DNAH3: variants seen among roughly 807,000 people sequenced by gnomAD.
DNAH3 encodes the protein axonemal beta dynein heavy chain 3.
A neutral mutation model predicts 432.5 loss-of-function variants in DNAH3; 332 were observed. The observed-to-expected ratio is 0.77, with a 90% confidence interval of 0.70 to 0.84. The LOEUF (loss-of-function observed/expected upper bound fraction) is 0.84. DNAH3 is among the 40% of genes least tolerant of loss of function. The pLI, the probability that DNAH3 is intolerant of heterozygous loss-of-function variation, is 0.00. For synonymous variants in DNAH3, 1,956 were observed against 1,900.2 expected (o/e 1.03, Z -0.76); for missense variants, 4,861 against 5,114.0 (o/e 0.95, Z 1.51).
chr16:20,964,045 G>A (rs766030626), exon 53 of DNAH3: 1 of 1,614,052 alleles, frequency 6.2e-7, no homozygotes, highest in Non-Finnish European at 8.5e-7. Context: ...TGTCATGGAA[G>A]CAACTTTCTG....
At chr16:21,000,949 C>G (rs2086987528) in intron 42 of DNAH3, among the ~76,000 whole-genome samples, 1 of 152,162 alleles carries the variant, frequency 6.6e-6, no homozygotes, top group South Asian at 2.1e-4. Flanking sequence ...AGCTGCTGTG[C>G]TCCTAGAGCA....
At position 21,067,776 on chromosome 16, in the gene DNAH3, G is replaced by GGAGAGAGAGAGA. The variant is rs60889532; in HGVS notation, c.3382-369_3382-358dup. On this transcript the variant is annotated intron_variant, in intron 23 of 61. Coordinates refer to ENST00000261383, the Ensembl canonical transcript of DNAH3. Reference sequence around the variant, plus strand: ...CAGTCTTGGGGGGGGGGGTGGGGAGGGAGAGAGAGAGAGAGAGAGAGAGAG... The same window carrying GGAGAGAGAGAGA: ...CAGTCTTGGGGGGGGGGGTGGGGAGGGAGAGAGAGAGAGAGAGAGAGAGAGAGAGAGAGAGAG... Among the ~76,000 whole-genome samples the GGAGAGAGAGAGA allele has an allele frequency of 5.4e-3, 219 of 40,882 alleles. 22 individuals carry two copies. Among genetic ancestry groups the GGAGAGAGAGAGA allele is most frequent in the South Asian group, 0.041 (44 of 1,076 alleles). The allele number at this position is 40,882 out of a possible 152,430, so 26.8% of individuals were successfully genotyped here. A position where few individuals can be genotyped will look rare whatever the true frequency, so the allele number is the denominator to read the frequency against.
intron 41 of DNAH3, among the ~76,000 whole-genome samples, chr16:21,013,655 G>T (rs1259361198): frequency 7.1e-6 from 1 of 141,488 alleles, no homozygotes. Context: ...GGAGGAGGAG[G>T]TTACGATGAG....
At chr16:21,057,256 T>C (rs1266900578) in intron 27 of DNAH3, among the ~76,000 whole-genome samples, 1 of 152,084 alleles carries the variant, frequency 6.6e-6, no homozygotes, top group South Asian at 2.1e-4. Context: ...GTTTAAAAAA[T>C]AGAAAAAGTT....
chr16:21,050,243 G>T (rs80339058), intron 29 of DNAH3, among the ~76,000 whole-genome samples: 1,677 of 152,158 alleles, frequency 0.011, 19 homozygotes, highest in Non-Finnish European at 0.015. Flanking sequence ...ATTTTACTCG[G>T]CATTGTAACC....
At chr16:21,084,687 G>C (rs903895454) in intron 19 of DNAH3, among the ~76,000 whole-genome samples, 1 of 151,958 alleles carries the variant, frequency 6.6e-6, no homozygotes, top group Non-Finnish European at 1.5e-5. Context: ...TGCCCAGGTT[G>C]GCCTCAAGCT....
chr16:21,056,446 C>A (rs1156584150), intron 27 of DNAH3, among the ~76,000 whole-genome samples: 1 of 150,872 alleles, frequency 6.6e-6, no homozygotes, highest in African/African-American at 2.4e-5. Context: ...CCCTGCCTCC[C>A]TCCCTTCCCA....
chr16:21,029,738 T>C (rs2088776310), intron 37 of DNAH3, among the ~76,000 whole-genome samples: 2 of 152,238 alleles, frequency 1.3e-5, no homozygotes, highest in South Asian at 4.1e-4. Context: ...TTGCTATATT[T>C]TCCAAAGGTC....
chr16:21,143,409 G>C (rs1052820088), intron 3 of DNAH3, among the ~76,000 whole-genome samples: 1 of 152,146 alleles, frequency 6.6e-6, no homozygotes. Context: ...CAAGAAGATA[G>C]AGAAGACAGA....
In DNAH3 at chr16:21,076,435, G is replaced by T. The variant is rs117353048; in HGVS notation, c.2970-874C>A. On this transcript the variant is annotated intron_variant, in intron 20 of 61. Transcript: ENST00000261383. ...TGTTGTGTAAGCCACTCAGTCTGTG[G>T]TATGCTGTAAGAGCAGCCTGTTCAA... 4.7e-3 allele frequency among the ~76,000 whole-genome samples: 709 copies of T among 152,296 alleles called. 2 individuals are homozygous for T. The highest frequency in any genetic ancestry group is 0.017 in the Middle Eastern group (5 of 294).
At chr16:21,036,571 C>T (rs778931347) in intron 35 of DNAH3, 143 bp downstream of exon 35, 169 of 773,086 alleles carry the variant, frequency 2.2e-4, no homozygotes, top group African/African-American at 7.5e-4. Flanking sequence ...TAGGCCATTA[C>T]GCCCAGCTAA....
At chr16:20,953,608 G>A (rs2084418923) in intron 55 of DNAH3, among the ~76,000 whole-genome samples, 3 of 151,596 alleles carry the variant, frequency 2.0e-5, no homozygotes, top group South Asian at 2.1e-4. Context: ...ACTGGATCTC[G>A]TTCTTTTGCC....
chr16:21,100,109 T>G (rs1194703324), intron 16 of DNAH3, among the ~76,000 whole-genome samples: 1 of 152,196 alleles, frequency 6.6e-6, no homozygotes, highest in Non-Finnish European at 1.5e-5. Context: ...TCTCTTTATC[T>G]CTTTCTTTCT....
At chr16:21,067,761 G>GGGGGGGGTGGGGGGGGGGT in intron 23 of DNAH3, among the ~76,000 whole-genome samples, 1 of 87,754 alleles carries the variant, frequency 1.1e-5, no homozygotes, top group African/African-American at 4.4e-5. Flanking sequence ...CAGTCTTGGG[G>GGGGGGGGTGGGGGGGGGGT]GGGGGGGTGG....
chr16:20,985,076 C>CATTGT lies in DNAH3; in HGVS notation c.7665_7665+1insACAAT (p.Val2556ThrfsTer3). 2 of 1,609,316 alleles carry CATTGT rather than the reference C, an allele frequency of 1.2e-6. No individual in the cohort carries two copies. Among genetic ancestry groups the CATTGT allele is most frequent in the Non-Finnish European group, 1.7e-6 (2 of 1,176,952 alleles). ...AGGACAATGTGAAGGTTCTTTCTCA[C>CATTGT]CCTCTCAATAAAGAAGTTATACATA... On this transcript the variant is annotated frameshift_variant and splice_region_variant. Coordinates refer to ENST00000261383, the Ensembl canonical transcript of DNAH3. LOFTEE classifies it high-confidence loss of function.
chr16:21,045,771 T>G (rs2089667167), intron 31 of DNAH3, among the ~76,000 whole-genome samples: 1 of 151,500 alleles, frequency 6.6e-6, no homozygotes, highest in African/African-American at 2.4e-5. Context: ...GAAGTTAGGG[T>G]GTCAATTTTG....
Position 21,159,355 on chromosome 16 carries a change from GGTCTC to G in DNAH3, c.82_86del (p.Glu28ProfsTer8), listed in dbSNP as rs760413086. On this transcript the variant is annotated frameshift_variant, in exon 1 of 62. Transcript: ENST00000261383. LOFTEE classifies it high-confidence loss of function. ...TTTCACTCCCTTCCTCCTCTCCTTG[GGTCTC>G]CCTGGCTTTTGAACGCTGAAAGGCT... The G allele has an allele frequency of 6.2e-7, 1 of 1,614,030 alleles. No homozygotes were observed. The highest frequency in any genetic ancestry group is 8.5e-7 in the Non-Finnish European group (1 of 1,180,018).
At chr16:20,943,203 C>T (rs144621775) in intron 58 of DNAH3, among the ~76,000 whole-genome samples, 170 of 152,188 alleles carry the variant, frequency 1.1e-3, no homozygotes, top group Middle Eastern at 3.4e-3. Flanking sequence ...ACCTCAGCTT[C>T]CTGAGTAGCT....
At chr16:21,048,366 T>C (rs909635054) in intron 31 of DNAH3, among the ~76,000 whole-genome samples, 30 of 152,150 alleles carry the variant, frequency 2.0e-4, no homozygotes, top group African/African-American at 6.5e-4. Context: ...AGGTGCAGGA[T>C]ATAATCTCGT....
Sources: gnomAD v4.1 joint callset for allele counts (sites outside exome capture counted in the v4.1 genomes callset) on GRCh38, gnomAD v4.1.1 for gene constraint, MANE v1.5 for transcripts, NCBI Gene and HGNC (gene_info 2026-07-23, HGNC 2026-07-21) for gene names.